The following SETBP1 variants were observed in gnomAD, a reference collection of about 807,000 sequenced individuals.
SETBP1 encodes the protein SET-binding protein.
SETBP1 carries 9 observed loss-of-function variants against 101.0 expected under a neutral mutation model. The observed-to-expected ratio is 0.09, with a 90% CI of 0.05 to 0.16. The LOEUF (loss-of-function observed/expected upper bound fraction) is 0.16. SETBP1 is among the 10% of genes least tolerant of loss of function. The pLI, the probability that SETBP1 is intolerant of heterozygous loss-of-function variation, is 1.00. For missense variants in SETBP1, 1,858 were observed against 2,033.8 expected (o/e 0.91, Z 1.66); for synonymous variants, 818 against 788.5 (o/e 1.04, Z -0.63).
chr18:45,049,690 C>T (rs111676008), intron 5 of SETBP1, among the ~76,000 whole-genome samples: 1 of 152,098 alleles, frequency 6.6e-6, no homozygotes, highest in South Asian at 2.1e-4. Flanking sequence ...TGTCTGGCTC[C>T]CTACAGGGAG....
At chr18:44,986,896 T>TAGTATAGTATAGTA (rs1277866464) in intron 4 of SETBP1, 149 of 143,800 alleles carry the variant, frequency 1.0e-3, no homozygotes, top group Non-Finnish European at 1.6e-3. Context: ...ATAACAATAG[T>TAGTATAGTATAGTA]TAGTATAGTA....
chr18:44,714,321 C>A (rs1232134836), intron 2 of SETBP1, among the ~76,000 whole-genome samples: 1 of 152,078 alleles, frequency 6.6e-6, no homozygotes, highest in Non-Finnish European at 1.5e-5. Context: ...GCCTCAGCCT[C>A]CTGAGTAGCT....
chr18:45,036,574 ATCTG>A (rs1174389392), intron 4 of SETBP1, among the ~76,000 whole-genome samples: 3 of 152,182 alleles, frequency 2.0e-5, no homozygotes, highest in Admixed American at 6.6e-5. Context: ...GTGCCTTGCA[ATCTG>A]TCTGTCATAG....
At chr18:44,976,930 G>A (rs143254791) in intron 4 of SETBP1, among the ~76,000 whole-genome samples, 28 of 152,252 alleles carry the variant, frequency 1.8e-4, no homozygotes, top group Admixed American at 1.4e-3. Context: ...AGAACTATAC[G>A]CTTCAGTTTC....
chr18:45,052,991 A>G (rs1177058650), intron 5 of SETBP1, among the ~76,000 whole-genome samples: 8 of 152,236 alleles, frequency 5.3e-5, no homozygotes, highest in Non-Finnish European at 1.0e-4. Flanking sequence ...TTGCAGATTT[A>G]AATAGAAGGC....
chr18:44,937,708 G>T (rs957993127), intron 3 of SETBP1, among the ~76,000 whole-genome samples: 59 of 152,188 alleles, frequency 3.9e-4, no homozygotes, highest in African/African-American at 1.4e-3. Context: ...CTCCACCTGG[G>T]AGCTTATTAG....
intron 4 of SETBP1, among the ~76,000 whole-genome samples, chr18:45,017,601 C>CT (rs1165756840): frequency 6.6e-6 from 1 of 152,208 alleles, no homozygotes; most frequent in East Asian, 1.9e-4. Context: ...GTAAAGGTGG[C>CT]TATCAATGTT....
intron 4 of SETBP1, among the ~76,000 whole-genome samples, chr18:44,956,855 G>A (rs1186022204): frequency 1.3e-5 from 2 of 152,164 alleles, no homozygotes; most frequent in Non-Finnish European, 2.9e-5. Flanking sequence ...TCCCTGCCCA[G>A]CAGATGGTTG....
intron 3 of SETBP1, among the ~76,000 whole-genome samples, chr18:44,912,139 T>C (rs1449606263): frequency 6.6e-6 from 1 of 152,016 alleles, no homozygotes; most frequent in African/African-American, 2.4e-5. Flanking sequence ...ATAAGAGTCT[T>C]TTTCTAGATG....
In SETBP1 at chr18:44,776,368, G is replaced by GT. The variant is rs1555679704; in HGVS notation, c.486+74544dup. Reference sequence around the variant, plus strand: ...TGCCGATTTAAACCCAGGCTAGATTGTTTTTTTTCTAAAAGGCCAAAGAAA... The same window carrying GT: ...TGCCGATTTAAACCCAGGCTAGATTGTTTTTTTTTCTAAAAGGCCAAAGAAA... On this transcript the variant is annotated intron_variant, in intron 2 of 5. Coordinates refer to ENST00000649279, the MANE Select transcript of SETBP1 (RefSeq NM_015559.3). Among the ~76,000 whole-genome samples, 8 of 151,808 alleles carry GT rather than the reference G, an allele frequency of 5.3e-5. No homozygotes were observed. The East Asian group carries it at 5.8e-4, about 11-fold the overall frequency.
chr18:45,003,569 A>G (rs927103227), intron 4 of SETBP1, among the ~76,000 whole-genome samples: 2 of 152,034 alleles, frequency 1.3e-5, no homozygotes, highest in Non-Finnish European at 2.9e-5. Flanking sequence ...CACTGTAAAC[A>G]TGTGAACGAG....
chr18:44,990,144 T>C (rs2072334692), intron 4 of SETBP1, among the ~76,000 whole-genome samples: 1 of 152,022 alleles, frequency 6.6e-6, no homozygotes, highest in South Asian at 2.1e-4. Context: ...CTAACAAAAC[T>C]GAGAGTATTT....
intron 2 of SETBP1, among the ~76,000 whole-genome samples, chr18:44,744,727 C>T (rs1180973978): frequency 1.3e-5 from 2 of 148,378 alleles, no homozygotes; most frequent in Non-Finnish European, 3.0e-5. Flanking sequence ...CCACGCGCGC[C>T]GGAGCGCAGG....
intron 2 of SETBP1, among the ~76,000 whole-genome samples, chr18:44,819,037 A>G (rs2072047694): frequency 6.6e-6 from 1 of 151,412 alleles, no homozygotes; most frequent in Non-Finnish European, 1.5e-5. Context: ...TTAATGGTTT[A>G]CTATTATTGG....
chr18:45,035,597 C>G (rs1477847277), intron 4 of SETBP1, among the ~76,000 whole-genome samples: 1 of 152,120 alleles, frequency 6.6e-6, no homozygotes, highest in African/African-American at 2.4e-5. Flanking sequence ...CCGTTTATTC[C>G]CAAGTGGGAG....
chr18:44,799,908 T>G (rs1042225720), intron 2 of SETBP1, among the ~76,000 whole-genome samples: 5 of 152,128 alleles, frequency 3.3e-5, no homozygotes, highest in Admixed American at 2.0e-4. Context: ...ACTGGCTAGA[T>G]AGCAGACCAA....
chr18:44,718,875 A>G (rs1394745200), intron 2 of SETBP1, among the ~76,000 whole-genome samples: 2 of 152,154 alleles, frequency 1.3e-5, no homozygotes, highest in African/African-American at 2.4e-5. Context: ...AGGACAGAGG[A>G]TGTCAGAGCT....
chr18:44,827,679 G>T (rs917416434), intron 2 of SETBP1, among the ~76,000 whole-genome samples: 1 of 152,162 alleles, frequency 6.6e-6, no homozygotes, highest in African/African-American at 2.4e-5. Flanking sequence ...TTCTTCTTGG[G>T]TGAGGAAGTT....
At chr18:44,770,787 T>C (rs1352447468) in intron 2 of SETBP1, among the ~76,000 whole-genome samples, 1 of 148,626 alleles carries the variant, frequency 6.7e-6, no homozygotes, top group Non-Finnish European at 1.5e-5. Flanking sequence ...TAGAGTCAAA[T>C]ATTTCCTGAC....
Sources: allele counts gnomAD v4.1 joint callset (sites outside exome capture counted in the v4.1 genomes callset), GRCh38; gene constraint gnomAD v4.1.1; transcripts MANE v1.5; gene names NCBI Gene and HGNC (gene_info 2026-07-23, HGNC 2026-07-21).